The following L3MBTL2 variants were observed in gnomAD, a reference collection of about 807,000 sequenced individuals.
L3MBTL2 encodes L3MBTL histone methyl-lysine binding protein 2.
A neutral mutation model predicts 86.4 loss-of-function variants in L3MBTL2; 49 were observed. The ratio of observed to expected loss-of-function variants is 0.57; its 90% CI spans 0.45 to 0.72. The LOEUF is 0.72. L3MBTL2 is among the 30% of genes least tolerant of loss of function. L3MBTL2 has a pLI of 0.00. For synonymous variants in L3MBTL2, 336 were observed against 350.6 expected (o/e 0.96, Z 0.47); for missense variants, 755 against 923.7 (o/e 0.82, Z 2.37).
At chr22:41,211,845 C>T (rs1293812121) in intron 2 of L3MBTL2, among the ~76,000 whole-genome samples, 1 of 145,540 alleles carries the variant, frequency 6.9e-6, no homozygotes, top group Non-Finnish European at 1.5e-5. Context: ...GCGTGAGCCA[C>T]CGCACCCGGC....
chr22:41,214,068 C>T, intron 3 of L3MBTL2, 42 bp downstream of exon 3: 2 of 1,608,046 alleles, frequency 1.2e-6, no homozygotes, highest in Non-Finnish European at 1.7e-6. Context: ...GCCTTTGGTG[C>T]TGAGACAGGA....
Position 41,220,810 on chromosome 22 carries a change from G to A in L3MBTL2, c.795G>A (p.Val265=). The A allele has an allele frequency of 6.2e-7, 1 of 1,614,066 alleles. No homozygotes were observed. The highest frequency in any genetic ancestry group is 8.5e-7 in the Non-Finnish European group (1 of 1,179,976). The part of the protein sequence containing the change: ...SHDFWCNLGT[V]DVHPIGWCAI... ...ACTTCTGGTGCAACCTGGGAACAGTGGATGTCCACCCCATTGGCTGGTGTG... is the reference window on the plus strand; with the variant it reads ...ACTTCTGGTGCAACCTGGGAACAGTAGATGTCCACCCCATTGGCTGGTGTG... The change falls in exon 7 of 17, where the codon GTG becomes GTA. Residue 265 remains valine, a synonymous_variant. Transcript: ENST00000216237.
intron 1 of L3MBTL2, chr22:41,205,881 G>A (rs1444491518): frequency 6.2e-6 from 1 of 161,520 alleles, no homozygotes; most frequent in Non-Finnish European, 1.4e-5. Flanking sequence ...ACCCCAGGAA[G>A]TTACCCCGGC....
At chr22:41,222,614 G>GAA (rs879533154) in intron 8 of L3MBTL2, among the ~76,000 whole-genome samples, 8 of 133,828 alleles carry the variant, frequency 6.0e-5, no homozygotes, top group Non-Finnish European at 4.9e-5. Context: ...TTCGTCTCTT[G>GAA]AAAAAAAAAA....
intron 3 of L3MBTL2, among the ~76,000 whole-genome samples, chr22:41,215,525 C>T (rs1197589690): frequency 1.3e-5 from 2 of 152,202 alleles, no homozygotes; most frequent in African/African-American, 4.8e-5. Flanking sequence ...CCTGGCCTTC[C>T]TGTTCAGTAC....
At chr22:41,228,892 C>A (rs1337775301) in intron 15 of L3MBTL2, among the ~76,000 whole-genome samples, 1 of 151,526 alleles carries the variant, frequency 6.6e-6, no homozygotes, top group African/African-American at 2.4e-5. Context: ...GGCATTTATC[C>A]AGCAGGCAGA....
rs761838936 is a variant in L3MBTL2, at chr22:41,227,200, A to G, written c.1699A>G (p.Ser567Gly). The G allele has an allele frequency of 2.5e-6, 4 of 1,613,578 alleles. No individual in the cohort carries two copies. The highest frequency in any genetic ancestry group is 3.4e-6 in the Non-Finnish European group (4 of 1,179,954). ...TVKRVVHRLL[S>G]IHFDGWDSEY... ...GAAACGAGTGGTGCATCGGCTCCTC[A>G]GCATCCACTTTGACGGCTGGGACAG... The change falls in exon 14 of 17, where the codon AGC becomes GGC. Residue 567 changes from serine (S) to glycine (G), a missense_variant. By Grantham distance (56) the Ser-to-Gly change is moderately conservative (BLOSUM62 0). Transcript: ENST00000216237. The surrounding 1 kb of genome is among the most constrained non-coding windows in gnomAD (Gnocchi z 6.0).
chr22:41,229,867 G>A (rs1278513901), intron 16 of L3MBTL2: 6 of 827,462 alleles, frequency 7.3e-6, no homozygotes, highest in East Asian at 2.7e-5. Context: ...GCCCGGCCCC[G>A]GCCCCTCCTC....
chr22:41,229,870 C>T, intron 16 of L3MBTL2: 1 of 800,656 alleles, frequency 1.2e-6, no homozygotes, highest in Non-Finnish European at 2.1e-6. Context: ...CGGCCCCGGC[C>T]CCTCCTCCTC....
rs760148083 is a variant in L3MBTL2, at chr22:41,227,073, C to G, written c.1588-16C>G. 6.3e-7 allele frequency: 1 copy of G among 1,597,512 alleles called. No homozygotes were observed. Among genetic ancestry groups the G allele is most frequent in the Non-Finnish European group, 8.5e-7 (1 of 1,172,554 alleles). ...GAGCTGACTGGCTTGGCCACTGCCT[C>G]CTTTTTCTGCCCCAGGATTGCCCAA... On this transcript the variant is annotated splice_polypyrimidine_tract_variant and intron_variant, in intron 13 of 16. Coordinates refer to ENST00000216237, the MANE Select transcript of L3MBTL2 (RefSeq NM_031488.5). This position sits in a 1 kb window ranked among gnomAD's most constrained non-coding sequence, Gnocchi z 6.0.
In L3MBTL2 at chr22:41,227,043, G is replaced by A. The variant is rs773931117; in HGVS notation, c.1588-46G>A. The A allele has an allele frequency of 3.7e-5, 56 of 1,520,680 alleles. No homozygotes were observed. In the Middle Eastern group the frequency reaches 5.3e-4, roughly 14 times the overall value. The allele number at this position is 1,520,680 out of a possible 1,614,324, so 94.2% of individuals were successfully genotyped here. ...TCCGGGCCGGGGCAAGCCTGCTGGG[G>A]TAGGGAGCTGACTGGCTTGGCCACT... On this transcript the variant is annotated intron_variant, in intron 13 of 16. Transcript: ENST00000216237. This position sits in a 1 kb window ranked among gnomAD's most constrained non-coding sequence, Gnocchi z 6.0.
intron 5 of L3MBTL2, 62 bp downstream of exon 5, chr22:41,217,264 C>G (rs1413409579): frequency 9.0e-6 from 12 of 1,327,896 alleles, no homozygotes; most frequent in Non-Finnish European, 1.3e-5. Context: ...GCTCCTCCAC[C>G]TGCTTCACCA....
At chr22:41,205,544 C>T (rs1267892033) in intron 1 of L3MBTL2, among the ~76,000 whole-genome samples, 158 bp downstream of exon 1, 1 of 152,136 alleles carries the variant, frequency 6.6e-6, no homozygotes, top group Non-Finnish European at 1.5e-5. Flanking sequence ...AGGCAATTGA[C>T]GTTACTTTTT....
intron 16 of L3MBTL2, 185 bp downstream of exon 16, chr22:41,229,841 G>A: frequency 9.9e-7 from 1 of 1,009,940 alleles, no homozygotes; most frequent in Non-Finnish European, 1.5e-6. Flanking sequence ...TGTGAATGGA[G>A]CTGAGTCCCC....
At position 41,217,103 on chromosome 22, in the gene L3MBTL2, T is replaced by C. The variant is rs2031442849; in HGVS notation, c.521-20T>C. ...CTGCTGCGCAGGCTCCTAGTCTGAC[T>C]CGTCCTCTCTGCTCTGCAGCTCTGG... On this transcript the variant is annotated intron_variant, in intron 4 of 16. Transcript: ENST00000216237. 1.2e-6 allele frequency: 2 copies of C among 1,609,316 alleles called. No individual in the cohort carries two copies.
Position 41,216,149 on chromosome 22 carries a change from C to T in L3MBTL2, c.407C>T (p.Pro136Leu), listed in dbSNP as rs1451333652. The change falls in exon 4 of 17, where the codon CCG (proline) becomes CTG (leucine). Residue 136 changes from proline (P) to leucine (L), a missense_variant. By Grantham distance (98) the Pro-to-Leu change is moderately conservative. Around this residue, in one of 3 missense-constraint regions of L3MBTL2, gnomAD observed 18 missense variants for 69.7 expected, o/e 0.26. Coordinates refer to ENST00000216237, the MANE Select transcript of L3MBTL2 (RefSeq NM_031488.5). ...TGTCCTCCTCTCCAGGGAAAACCAC[C>T]GACCAAAAAAGCCAAAGTCCTGCAC... ...SILARLQGKP[P>L]TKKAKVLHKA... 5 of 1,613,230 alleles carry T rather than the reference C, an allele frequency of 3.1e-6. No homozygotes were observed. The highest frequency in any genetic ancestry group is 1.1e-5 in the South Asian group (1 of 90,916).
At chr22:41,210,461 C>G (rs2030656614) in intron 2 of L3MBTL2, among the ~76,000 whole-genome samples, 1 of 152,312 alleles carries the variant, frequency 6.6e-6, no homozygotes, top group East Asian at 1.9e-4. Flanking sequence ...TCCTGAGTAG[C>G]TGGGACTACA....
Position 41,227,707 on chromosome 22 carries a change from G to A in L3MBTL2, c.1823-97G>A, listed in dbSNP as rs916444228. The A allele has an allele frequency of 1.4e-5, 22 of 1,600,870 alleles. No homozygotes were observed. The highest frequency in any genetic ancestry group is 2.3e-5 in the East Asian group (1 of 44,432). ...TTGGCTTCCTGTCTTGGGGTGTCTC[G>A]TGTGGGAGGGTGGATGGGGTCTCGG... On this transcript the variant is annotated intron_variant, in intron 14 of 16. Coordinates refer to ENST00000216237, the MANE Select transcript of L3MBTL2 (RefSeq NM_031488.5). The surrounding 1 kb of genome is among the most constrained non-coding windows in gnomAD (Gnocchi z 6.0).
intron 8 of L3MBTL2, among the ~76,000 whole-genome samples, chr22:41,221,904 T>C (rs1451941389): frequency 6.7e-6 from 1 of 149,486 alleles, no homozygotes; most frequent in Non-Finnish European, 1.5e-5. Flanking sequence ...CGCCCAGCCT[T>C]TTTTTTCTTT....
Sources: gnomAD v4.1 joint callset for allele counts (sites outside exome capture counted in the v4.1 genomes callset) on GRCh38, gnomAD v4.1.1 for gene constraint, gnomAD v4.1.1 regional missense constraint, Gnocchi (gnomAD v3.1) non-coding constraint, MANE v1.5 for transcripts, NCBI Gene and HGNC (gene_info 2026-07-23, HGNC 2026-07-21) for gene names.